EXD3: variants seen among roughly 807,000 people sequenced by gnomAD.
EXD3 encodes the protein exonuclease 3'-5' domain containing 3.
In EXD3, 92 loss-of-function variants were observed where a neutral mutation model predicts 98.0. The ratio of observed to expected loss-of-function variants is 0.94; its 90% CI spans 0.79 to 1.12. EXD3 has a LOEUF of 1.12. EXD3 is among the 50% of genes most tolerant of loss of function. The pLI is 0.00. For missense variants in EXD3, 1,222 were observed against 1,191.6 expected, an observed-to-expected ratio of 1.03 and a Z score of -0.38; for synonymous variants, 569 against 526.0, an observed-to-expected ratio of 1.08 and a Z score of -1.12.
rs973998362 is a variant in EXD3 at position 137,392,960 on chromosome 9, G to A, written c.55+2343C>T. The A allele has an allele frequency of 6.7e-6, 4 of 598,658 alleles. No homozygotes were observed. The African/African-American group carries it at 7.7e-5, about 12-fold the overall frequency. The allele number at this position is 598,658 out of a possible 1,614,324, so 37.1% of individuals were successfully genotyped here. A position where few individuals can be genotyped will look rare whatever the true frequency, so the allele number is the denominator to read the frequency against. ...AGGGAGGGCCATTAGTGTTCCAGGG[G>A]GTGCTGAGGCTGTTCCAGGGGGCAC... On this transcript the variant is annotated intron_variant, in intron 2 of 21. Coordinates refer to ENST00000340951, the MANE Select transcript of EXD3 (RefSeq NM_017820.5).
chr9:137,409,846 C>T lies in EXD3; in HGVS notation c.-48+13268G>A, dbSNP rs562431535. Among the ~76,000 whole-genome samples the T allele has an allele frequency of 5.9e-5, 9 of 152,336 alleles. 1 individual carries two copies. The highest frequency in any genetic ancestry group is 2.1e-4 in the South Asian group (1 of 4,826). ...GGGGCTCCCCAGCTCCCTGATGGGG[C>T]GACACCACTCACCAGTTTTGCAGCT... On this transcript the variant is annotated intron_variant, in intron 1 of 21. Transcript: ENST00000340951.
chr9:137,372,875 CCCATGAG>C (rs1267796576), intron 5 of EXD3, 23 bp downstream of exon 5: 1 of 1,595,104 alleles, frequency 6.3e-7, no homozygotes, highest in Non-Finnish European at 8.5e-7. Flanking sequence ...AAGCCGTTTC[CCCATGAG>C]CCCGGCCACG....
chr9:137,420,747 C>CCCT (rs1554743382), intron 1 of EXD3, among the ~76,000 whole-genome samples: 1 of 147,412 alleles, frequency 6.8e-6, no homozygotes, highest in African/African-American at 2.5e-5. Flanking sequence ...ACCCCCCCCC[C>CCCT]CAAATTCATA....
chr9:137,408,613 C>A (rs568093833), intron 1 of EXD3, among the ~76,000 whole-genome samples: 21 of 151,614 alleles, frequency 1.4e-4, no homozygotes, highest in Non-Finnish European at 2.9e-4. Context: ...ACACCTCCCC[C>A]CAGCTGCTCA....
intron 19 of EXD3, among the ~76,000 whole-genome samples, chr9:137,315,465 A>C (rs995746808): frequency 2.6e-5 from 4 of 151,860 alleles, no homozygotes; most frequent in African/African-American, 9.7e-5. Context: ...GGTGTCTGGC[A>C]CCCCTCTGGG....
At position 137,307,279 on chromosome 9, in the gene EXD3, T is replaced by G. The variant is rs1168808352; in HGVS notation, c.2318-16A>C. The G allele has an allele frequency of 4.7e-6, 7 of 1,481,928 alleles. No individual in the cohort carries two copies. The highest frequency in any genetic ancestry group is 6.3e-6 in the Non-Finnish European group (7 of 1,119,934). The allele number at this position is 1,481,928 out of a possible 1,614,324, so 91.8% of individuals were successfully genotyped here. A position where few individuals can be genotyped will look rare whatever the true frequency, so the allele number is the denominator to read the frequency against. ...GGGGCTGGGCCTGGACAGATAGAAG[T>G]GGACTCCCTGAGCCCTCAGCCTTCG... is the stretch of plus-strand genomic sequence containing the variant. On this transcript the variant is annotated splice_polypyrimidine_tract_variant and intron_variant, in intron 21 of 21. Coordinates refer to ENST00000340951, the MANE Select transcript of EXD3 (RefSeq NM_017820.5).
intron 19 of EXD3, among the ~76,000 whole-genome samples, chr9:137,310,937 A>G (rs1252431994): frequency 6.6e-6 from 1 of 152,148 alleles, no homozygotes; most frequent in African/African-American, 2.4e-5. Flanking sequence ...CTTTGGGTTG[A>G]GCCCCAGATG....
intron 17 of EXD3, among the ~76,000 whole-genome samples, chr9:137,344,521 C>G (rs1033152841): frequency 6.6e-6 from 1 of 152,206 alleles, no homozygotes; most frequent in African/African-American, 2.4e-5. Flanking sequence ...AGGGCTGATA[C>G]CCCTGCGCTT....
In EXD3 at chr9:137,380,196, C is replaced by T. The variant is rs574494168; in HGVS notation, c.120+3117G>A. Among the ~76,000 whole-genome samples, 72 of 151,800 alleles carry T rather than the reference C, an allele frequency of 4.7e-4. 1 individual carries two copies. Among genetic ancestry groups the T allele is most frequent in the African/African-American group, 1.6e-3 (66 of 41,312 alleles). ...CCACCCTGCCGGTCCCTCCTCCCTTCGAGCCCTTCACTGGTCTTCACTCCT... is the reference window on the plus strand; with the variant it reads ...CCACCCTGCCGGTCCCTCCTCCCTTTGAGCCCTTCACTGGTCTTCACTCCT... On this transcript the variant is annotated intron_variant, in intron 3 of 21. Coordinates refer to ENST00000340951, the MANE Select transcript of EXD3 (RefSeq NM_017820.5).
intron 3 of EXD3, among the ~76,000 whole-genome samples, chr9:137,378,565 G>A (rs1554729826): frequency 6.6e-6 from 1 of 152,186 alleles, no homozygotes; most frequent in Non-Finnish European, 1.5e-5. Context: ...TGAATTTTCA[G>A]AGAAGTACTT....
intron 17 of EXD3, among the ~76,000 whole-genome samples, chr9:137,328,123 G>A (rs1248055218): frequency 1.3e-5 from 2 of 151,142 alleles, no homozygotes; most frequent in South Asian, 4.2e-4. Flanking sequence ...CCCATATGAT[G>A]AGTAAAAACA....
intron 17 of EXD3, among the ~76,000 whole-genome samples, chr9:137,327,119 A>G (rs1363524403): frequency 6.6e-6 from 1 of 151,538 alleles, no homozygotes; most frequent in Non-Finnish European, 1.5e-5. Flanking sequence ...AGGGGAGATA[A>G]CTATTGGTAC....
rs1472379268 is a variant in EXD3, at chr9:137,361,529, C to T, written c.656+4964G>A. ...TTGGGAGGCCAAGGTGGGTGGATTA[C>T]GAGGTCAGGAGATCGAGACCATCCT... On this transcript the variant is annotated intron_variant, in intron 7 of 21. Coordinates refer to ENST00000340951, the MANE Select transcript of EXD3 (RefSeq NM_017820.5). Among the ~76,000 whole-genome samples the T allele has an allele frequency of 3.2e-5, 4 of 124,920 alleles. 2 individuals carry two copies. The highest frequency in any genetic ancestry group is 5.5e-5 in the African/African-American group (2 of 36,678). 82.0% of individuals were successfully genotyped at this position (124,920 alleles called of 152,430 possible). A position where few individuals can be genotyped will look rare whatever the true frequency, so the allele number is the denominator to read the frequency against.
chr9:137,336,312 T>C, intron 17 of EXD3, among the ~76,000 whole-genome samples: 1 of 152,180 alleles, frequency 6.6e-6, no homozygotes, highest in African/African-American at 2.4e-5. Flanking sequence ...CATAAATCGA[T>C]GTAAGATCCC....
chr9:137,321,250 C>T (rs191551711), intron 19 of EXD3, among the ~76,000 whole-genome samples: 67 of 152,336 alleles, frequency 4.4e-4, no homozygotes, highest in Admixed American at 4.4e-3. Context: ...TTCTGCTCAG[C>T]CAGGTGGGTG....
At chr9:137,417,688 C>A (rs746372171) in intron 1 of EXD3, among the ~76,000 whole-genome samples, 1 of 152,196 alleles carries the variant, frequency 6.6e-6, no homozygotes, top group Non-Finnish European at 1.5e-5. Flanking sequence ...GCAGCTTCCG[C>A]CACGAACGGA....
Position 137,349,068 on chromosome 9 carries a change from C to A in EXD3, c.1830+42G>T. 6.5e-7 allele frequency: 1 copy of A among 1,543,308 alleles called. No individual in the cohort carries two copies. Among genetic ancestry groups the A allele is most frequent in the Admixed American group, 1.9e-5 (1 of 52,912 alleles). ...TGGTTTATGGACAGGGATCTCCTTC[C>A]CCAAGAATGCTGACAAACGGACCCT... On this transcript the variant is annotated intron_variant, in intron 16 of 21. Coordinates refer to ENST00000340951, the MANE Select transcript of EXD3 (RefSeq NM_017820.5). The surrounding 1 kb of genome is among the most constrained non-coding windows in gnomAD (Gnocchi z 7.4).
At chr9:137,373,284 T>C (rs1835732845) in intron 4 of EXD3, 142 bp downstream of exon 4, 3 of 1,182,098 alleles carry the variant, frequency 2.5e-6, no homozygotes, top group South Asian at 2.7e-5. Flanking sequence ...GGCTGAGTCT[T>C]GGCCATAGCC....
chr9:137,331,743 C>T (rs1462759893), intron 17 of EXD3, among the ~76,000 whole-genome samples: 2 of 151,976 alleles, frequency 1.3e-5, no homozygotes, highest in Non-Finnish European at 2.9e-5. Flanking sequence ...TGGTGAAACC[C>T]CGTCTCTACT....
Sources: allele counts gnomAD v4.1 joint callset (sites outside exome capture counted in the v4.1 genomes callset), GRCh38; gene constraint gnomAD v4.1.1; non-coding constraint Gnocchi (gnomAD v3.1); transcripts MANE v1.5; gene names NCBI Gene and HGNC (gene_info 2026-07-23, HGNC 2026-07-21).